Variants in REDIC1 observed in about 807,000 individuals in gnomAD.
REDIC1 encodes the protein regulator of DNA class I crossover intermediates 1.
chr12:39,755,045 CTTTTA>C, the REDIC1 span: 1 of 151,888 alleles, frequency 6.6e-6, no homozygotes, highest in Non-Finnish European at 1.5e-5. Context: ...ATTATTTTAA[CTTTTA>C]TTTGATTATT....
At chr12:39,761,341 T>C in the REDIC1 span, among the ~76,000 whole-genome samples, 1 of 151,990 alleles carries the variant, frequency 6.6e-6, no homozygotes, top group African/African-American at 2.4e-5. Flanking sequence ...ATAGGAGATA[T>C]AGTTAAGAGA....
At chr12:39,684,779 T>C in the REDIC1 span, 1 of 939,610 alleles carries the variant, frequency 1.1e-6, no homozygotes, top group East Asian at 2.5e-5. Flanking sequence ...AATTCTGATC[T>C]GAAGCCAAGT....
the REDIC1 span, chr12:39,764,696 C>G: frequency 1.9e-6 from 3 of 1,594,856 alleles, no homozygotes; most frequent in South Asian, 2.3e-5. Context: ...CAAAAAGAGG[C>G]AATTCAATTA....
At chr12:39,700,932 G>A in the REDIC1 span, among the ~76,000 whole-genome samples, 2 of 152,040 alleles carry the variant, frequency 1.3e-5, no homozygotes, top group Admixed American at 6.6e-5. Flanking sequence ...AGCTCCTGAA[G>A]GAAGCACTAA....
chr12:39,848,082 A>G, the REDIC1 span, among the ~76,000 whole-genome samples: 107 of 152,270 alleles, frequency 7.0e-4, no homozygotes, highest in African/African-American at 2.2e-3. Flanking sequence ...ACCCTGGAAG[A>G]CAACCTAGGC....
chr12:39,701,100 T>A, the REDIC1 span, among the ~76,000 whole-genome samples: 5 of 51,948 alleles, frequency 9.6e-5, no homozygotes, highest in East Asian at 1.2e-3. Flanking sequence ...TAACTTTAAA[T>A]GTAAATGGAC....
chr12:39,850,586 T>C, the REDIC1 span, among the ~76,000 whole-genome samples: 1 of 152,198 alleles, frequency 6.6e-6, no homozygotes, highest in Non-Finnish European at 1.5e-5. Flanking sequence ...TAATTGTATC[T>C]GTGCCAACAT....
the REDIC1 span, among the ~76,000 whole-genome samples, chr12:39,797,744 A>ATG: frequency 1.3e-5 from 2 of 150,334 alleles, no homozygotes; most frequent in African/African-American, 4.9e-5. Flanking sequence ...ACACACACAC[A>ATG]CACACACACA....
the REDIC1 span, among the ~76,000 whole-genome samples, chr12:39,733,444 T>C: frequency 6.6e-6 from 1 of 152,178 alleles, no homozygotes; most frequent in East Asian, 1.9e-4. Context: ...ATCTTCAACG[T>C]TTGTTTTTTT....
the REDIC1 span, among the ~76,000 whole-genome samples, chr12:39,761,205 A>T: frequency 1.3e-5 from 2 of 151,888 alleles, no homozygotes; most frequent in African/African-American, 4.8e-5. Context: ...ACTTCTGGAT[A>T]GTCATTTAAC....
At chr12:39,827,062 GTCC>G in the REDIC1 span, among the ~76,000 whole-genome samples, 1 of 151,282 alleles carries the variant, frequency 6.6e-6, no homozygotes, top group Non-Finnish European at 1.5e-5. Flanking sequence ...CTCTCTGACT[GTCC>G]TCCTGTATTT....
chr12:39,735,031 G>C, the REDIC1 span, among the ~76,000 whole-genome samples: 1 of 152,178 alleles, frequency 6.6e-6, no homozygotes, highest in Non-Finnish European at 1.5e-5. Context: ...TTTGCCTAGA[G>C]TGCGCTTCTT....
chr12:39,643,919 T>C, the REDIC1 span: 1 of 1,539,090 alleles, frequency 6.5e-7, no homozygotes, highest in Non-Finnish European at 8.8e-7. Flanking sequence ...AAATTCCTGG[T>C]AAGTCATTCC....
At chr12:39,713,244 GTACACACACATACGTGTATATATGT>G in the REDIC1 span, among the ~76,000 whole-genome samples, 450 of 78,092 alleles carry the variant, frequency 5.8e-3, 29 homozygotes, top group African/African-American at 0.016. Context: ...GTATATATGT[GTACACACACATACGTGTATATATGT>G]GTACACACAC....
At chr12:39,807,373 T>G in the REDIC1 span, among the ~76,000 whole-genome samples, 1 of 152,180 alleles carries the variant, frequency 6.6e-6, no homozygotes, top group Non-Finnish European at 1.5e-5. Flanking sequence ...ACACAATCAG[T>G]GGATTGAAAC....
the REDIC1 span, among the ~76,000 whole-genome samples, chr12:39,772,013 C>G: frequency 2.6e-5 from 4 of 152,140 alleles, no homozygotes; most frequent in African/African-American, 9.7e-5. Context: ...CACCCAAGGC[C>G]TGTGTGGATG....
the REDIC1 span, among the ~76,000 whole-genome samples, chr12:39,712,868 TATATACAC>T: frequency 1.2e-3 from 169 of 146,312 alleles, 1 homozygote; most frequent in Non-Finnish European, 1.7e-3. Context: ...TATATACACG[TATATACAC>T]GTATATACAT....
the REDIC1 span, among the ~76,000 whole-genome samples, chr12:39,870,643 A>G: frequency 6.6e-6 from 1 of 152,134 alleles, no homozygotes; most frequent in Non-Finnish European, 1.5e-5. Context: ...TCATTTACCT[A>G]CTGTCTTAGT....
the REDIC1 span, among the ~76,000 whole-genome samples, chr12:39,902,483 ATAAAT>A: frequency 5.3e-5 from 8 of 152,076 alleles, no homozygotes; most frequent in Non-Finnish European, 1.0e-4. Flanking sequence ...ACTTCTTGTA[ATAAAT>A]TAAACAGTGG....
Sources: allele counts gnomAD v4.1 joint callset (sites outside exome capture counted in the v4.1 genomes callset), GRCh38; gene constraint gnomAD v4.1.1; transcripts MANE v1.5; gene names NCBI Gene and HGNC (gene_info 2026-07-23, HGNC 2026-07-21).